DCC: variants seen among roughly 807,000 people sequenced by gnomAD.
DCC encodes DCC netrin 1 receptor.
Under a neutral mutation model 172.5 loss-of-function variants are expected in DCC, and 58 were observed. That is an observed-to-expected ratio of 0.34 (90% CI 0.27 to 0.42). DCC has a LOEUF of 0.42. Ranked by LOEUF, DCC falls within the 10% of genes least tolerant of loss-of-function variation. DCC has a pLI of 1.00. For missense variants in DCC, 1,740 were observed against 1,791.0 expected (o/e 0.97, Z 0.51); for synonymous variants, 709 against 644.5 (o/e 1.10, Z -1.52).
chr18:53,156,143 T>A (rs1300685649), intron 7 of DCC, among the ~76,000 whole-genome samples: 1 of 152,182 alleles, frequency 6.6e-6, no homozygotes, highest in African/African-American at 2.4e-5. Context: ...TTGGGCTGTA[T>A]CTTTTCTACT....
At chr18:53,456,819 G>A (rs968954378) in intron 23 of DCC, among the ~76,000 whole-genome samples, 6 of 152,164 alleles carry the variant, frequency 3.9e-5, no homozygotes, top group Non-Finnish European at 5.9e-5. Flanking sequence ...AGCAGCAGTC[G>A]TGTCAAGAAC....
Position 52,855,719 on chromosome 18 carries a change from C to T in DCC, c.413-50325C>T, listed in dbSNP as rs115102109. Among the ~76,000 whole-genome samples the T allele has an allele frequency of 2.1e-3, 322 of 149,800 alleles. 2 individuals are homozygous for T. Among genetic ancestry groups the T allele is most frequent in the African/African-American group, 7.4e-3 (306 of 41,092 alleles). ...CATCTACATAATCTGCCCAAATGGT[C>T]ATAAGGATGGTGACAGGTGACTTAA... On this transcript the variant is annotated intron_variant, in intron 2 of 28. Coordinates refer to ENST00000442544, the MANE Select transcript of DCC (RefSeq NM_005215.4).
At chr18:52,883,850 T>C (rs2039530962) in intron 2 of DCC, among the ~76,000 whole-genome samples, 1 of 151,932 alleles carries the variant, frequency 6.6e-6, no homozygotes, top group East Asian at 1.9e-4. Context: ...TTCTTTCAAG[T>C]TGAAGAAATT....
chr18:53,025,649 A>G (rs1047111124), intron 5 of DCC, among the ~76,000 whole-genome samples: 3 of 152,108 alleles, frequency 2.0e-5, no homozygotes, highest in Non-Finnish European at 4.4e-5. Context: ...CCCAAAAGTT[A>G]TATTTATCAT....
chr18:53,425,357 C>CTTT (rs747096336), intron 21 of DCC, among the ~76,000 whole-genome samples: 29 of 101,644 alleles, frequency 2.9e-4, no homozygotes, highest in East Asian at 2.7e-3. Flanking sequence ...TTTCTCCTCT[C>CTTT]TTTTTTTTTT....
intron 15 of DCC, among the ~76,000 whole-genome samples, chr18:53,340,837 G>C (rs2057651610): frequency 6.6e-6 from 1 of 152,072 alleles, no homozygotes; most frequent in Non-Finnish European, 1.5e-5. Flanking sequence ...CAGGGTGTAG[G>C]GGGTGGGGGG....
chr18:53,377,437 AACTACTCC>A (rs1431669200), intron 15 of DCC, among the ~76,000 whole-genome samples: 1 of 150,910 alleles, frequency 6.6e-6, no homozygotes, highest in African/African-American at 2.4e-5. Context: ...CTCCTGCAAT[AACTACTCC>A]ACTCATACAA....
chr18:53,439,170 T>A (rs1175440341), intron 22 of DCC, among the ~76,000 whole-genome samples: 2 of 152,220 alleles, frequency 1.3e-5, no homozygotes, highest in Non-Finnish European at 1.5e-5. Context: ...AGCAAATAAA[T>A]GATGATAAGT....
chr18:53,484,121 G>A lies in DCC; in HGVS notation c.3737-2676G>A, dbSNP rs564115315. 4.0e-5 allele frequency among the ~76,000 whole-genome samples: 6 copies of A among 151,862 alleles called. No homozygotes were observed. In the East Asian group the frequency reaches 7.7e-4, roughly 20 times the overall value. On this transcript the variant is annotated intron_variant, in intron 25 of 28. Coordinates refer to ENST00000442544, the MANE Select transcript of DCC (RefSeq NM_005215.4). ...AAATTACATGCCAAAATCACATTGT[G>A]ACTTCTTATTCTGTTATTTTTGATA...
At chr18:52,773,501 T>TATATCTCC (rs1165824023) in intron 2 of DCC, among the ~76,000 whole-genome samples, 1 of 112,128 alleles carries the variant, frequency 8.9e-6, no homozygotes, top group Non-Finnish European at 2.0e-5. Flanking sequence ...TATATATCTC[T>TATATCTCC]ATATATCTAT....
chr18:53,230,954 G>T (rs1158530349), intron 12 of DCC, among the ~76,000 whole-genome samples: 1 of 151,694 alleles, frequency 6.6e-6, no homozygotes, highest in African/African-American at 2.4e-5. Context: ...ATGCAGATAT[G>T]TAGATTTGCC....
At chr18:53,245,753 C>T (rs2056358113) in intron 12 of DCC, among the ~76,000 whole-genome samples, 1 of 152,084 alleles carries the variant, frequency 6.6e-6, no homozygotes, top group Non-Finnish European at 1.5e-5. Context: ...ATACCTTAGA[C>T]TGGAAAGAAC....
In DCC at chr18:52,783,323, CTTTTTTTTTTTTTTTTTTTTTTT is replaced by C. The variant is rs374129823; in HGVS notation, c.412+30965_412+30987del. On this transcript the variant is annotated intron_variant, in intron 2 of 28. Transcript: ENST00000442544. Reference sequence around the variant, plus strand: ...ACTAAAAATAATTTATACTACTACTCTTTTTTTTTTTTTTTTTTTTTTTTTTTTTTTTTTTTTTACAACACAAA... The same window carrying C: ...ACTAAAAATAATTTATACTACTACTCTTTTTTTTTTTTTTTACAACACAAA... Among the ~76,000 whole-genome samples the C allele has an allele frequency of 1.9e-4, 11 of 59,260 alleles. No individual in the cohort carries two copies. In the East Asian group the frequency reaches 2.5e-3, roughly 14 times the overall value. The allele number at this position is 59,260 out of a possible 152,430, so 38.9% of individuals were successfully genotyped here. A position where few individuals can be genotyped will look rare whatever the true frequency, so the allele number is the denominator to read the frequency against.
intron 12 of DCC, among the ~76,000 whole-genome samples, chr18:53,250,589 A>C (rs1298148785): frequency 2.0e-5 from 3 of 151,432 alleles, no homozygotes; most frequent in African/African-American, 7.3e-5. Flanking sequence ...CTTCTGGAAG[A>C]TACATCCTTC....
At chr18:52,446,694 A>T (rs1031615386) in intron 1 of DCC, among the ~76,000 whole-genome samples, 2 of 152,130 alleles carry the variant, frequency 1.3e-5, no homozygotes, top group East Asian at 3.9e-4. Flanking sequence ...TTTGGTATTG[A>T]TGTTACTGTG....
intron 24 of DCC, among the ~76,000 whole-genome samples, chr18:53,465,518 C>A (rs1370302055): frequency 6.6e-6 from 1 of 151,940 alleles, no homozygotes; most frequent in African/African-American, 2.4e-5. Flanking sequence ...TTGTTCTTGT[C>A]TGTAGTTTTA....
chr18:52,795,446 T>C (rs1320556045), intron 2 of DCC, among the ~76,000 whole-genome samples: 1 of 152,016 alleles, frequency 6.6e-6, no homozygotes, highest in Non-Finnish European at 1.5e-5. Context: ...CTATTTCTGT[T>C]GTATCAGTTG....
At chr18:53,428,758 A>T (rs1266894428) in intron 21 of DCC, among the ~76,000 whole-genome samples, 15 of 55,718 alleles carry the variant, frequency 2.7e-4, no homozygotes, top group African/African-American at 7.1e-4. Context: ...TTTATATATA[A>T]TAAATTATAT....
chr18:52,990,136 T>TTGGTTGTATACTC (rs74277842), intron 5 of DCC, among the ~76,000 whole-genome samples: 153 of 152,122 alleles, frequency 1.0e-3, no homozygotes, highest in Admixed American at 1.9e-3. Context: ...CCATAGTAAG[T>TTGGTTGTATACTC]TGGTGGTATA....
Sources: gnomAD v4.1 joint callset for allele counts (sites outside exome capture counted in the v4.1 genomes callset) on GRCh38, gnomAD v4.1.1 for gene constraint, MANE v1.5 for transcripts, NCBI Gene and HGNC (gene_info 2026-07-23, HGNC 2026-07-21) for gene names.